The following STARD10 variants were observed in gnomAD, a reference collection of about 807,000 sequenced individuals.
The protein encoded by STARD10 is START domain-containing protein 10.
In STARD10, 24 loss-of-function variants were observed where a neutral mutation model predicts 36.0. That is an observed-to-expected ratio of 0.67 (90% CI 0.48 to 0.94). The LOEUF is 0.94. Ranked by LOEUF, STARD10 falls within the 40% of genes least tolerant of loss-of-function variation. The pLI, the probability that STARD10 is intolerant of heterozygous loss-of-function variation, is 0.00. For synonymous variants in STARD10, 156 were observed against 161.9 expected (o/e 0.96, Z 0.28); for missense variants, 335 against 396.6 (o/e 0.84, Z 1.32).
Position 72,785,579 on chromosome 11 carries a change from AAAAAAAAAG to A in STARD10, c.-113-4294_-113-4286del, listed in dbSNP as rs1309408239. Among the ~76,000 whole-genome samples the A allele has an allele frequency of 2.0e-3, 137 of 69,128 alleles. 1 individual carries two copies. The highest frequency in any genetic ancestry group is 5.8e-3 in the African/African-American group (128 of 22,144). The allele number at this position is 69,128 out of a possible 152,430, so 45.4% of individuals were successfully genotyped here. ...CTGTCTCAAAAAAAAAAAAAAAAAA[AAAAAAAAAG>A]GGAATAAGAACCTGGGCCTCTCAGC... On this transcript the variant is annotated intron_variant, in intron 1 of 6. Transcript: ENST00000334805.
In STARD10 at chr11:72,754,813, G is replaced by GGT. The variant is rs757210347; in HGVS notation, c.*82_*83dup. On this transcript the variant is annotated 3_prime_UTR_variant, in exon 7 of 7. Coordinates refer to ENST00000334805, the MANE Select transcript of STARD10 (RefSeq NM_006645.3). ...CCTGGCCCGGTGCCACCAGGTGCCGGGTGGGGGAGGGGAGAAAGTGCAGGA... is the reference window on the plus strand; with the variant it reads ...CCTGGCCCGGTGCCACCAGGTGCCGGGTGTGGGGGAGGGGAGAAAGTGCAGGA... 2.0e-5 allele frequency: 31 copies of GGT among 1,530,418 alleles called. No homozygotes were observed. The highest frequency in any genetic ancestry group is 2.6e-5 in the Non-Finnish European group (30 of 1,143,664). 94.8% of individuals were successfully genotyped at this position (1,530,418 alleles called of 1,614,324 possible).
intron 1 of STARD10, among the ~76,000 whole-genome samples, chr11:72,791,886 T>G (rs1399576495): frequency 6.6e-6 from 1 of 151,802 alleles, no homozygotes; most frequent in East Asian, 1.9e-4. Context: ...TGTTTTGTTT[T>G]GTTTTGAGAC....
rs558569214 is a variant in STARD10, at chr11:72,771,299, G to C, written c.207+9676C>G. On this transcript the variant is annotated intron_variant, in intron 2 of 6. Coordinates refer to ENST00000334805, the MANE Select transcript of STARD10 (RefSeq NM_006645.3). ...GCTAGGGCTTTTGAGGGTGTGTGTG[G>C]AGTTCAGGGGATGTTGGGGCTGGCT... Among the ~76,000 whole-genome samples the C allele has an allele frequency of 2.0e-4, 31 of 152,304 alleles. No individual in the cohort carries two copies. The South Asian group carries it at 5.6e-3, about 28-fold the overall frequency.
Position 72,754,920 on chromosome 11 carries a change from C to CGAGGGCA in STARD10, c.852_853insTGCCCTC (p.Asp285CysfsTer?). The CGAGGGCA allele has an allele frequency of 6.2e-7, 1 of 1,600,472 alleles. No individual in the cohort carries two copies. The highest frequency in any genetic ancestry group is 8.5e-7 in the Non-Finnish European group (1 of 1,178,340). ...GCTCAGGTGAGCGAGGTGTCGTCGT[C>CGAGGGCA]GCTGCCCTCGCCGCCCGCGCCGCCC... On this transcript the variant is annotated frameshift_variant, in exon 7 of 7. Coordinates refer to ENST00000334805, the MANE Select transcript of STARD10 (RefSeq NM_006645.3). LOFTEE classifies it high-confidence loss of function.
intron 4 of STARD10, 39 bp downstream of exon 4, chr11:72,758,491 T>A (rs1369471323): frequency 7.1e-6 from 11 of 1,549,394 alleles, no homozygotes; most frequent in Middle Eastern, 3.3e-4. Context: ...TGCCTGACCC[T>A]CTCCCCTGCT....
Position 72,765,719 on chromosome 11 carries a change from C to A in STARD10, c.208-6338G>T, listed in dbSNP as rs565324723. On this transcript the variant is annotated intron_variant, in intron 2 of 6. Transcript: ENST00000334805. ...GGCACAGTGGCTCTCACCTGTAATC[C>A]CAGCACTTCGGGAGGCCGAGGCGGG... Among the ~76,000 whole-genome samples, 45 of 151,976 alleles carry A rather than the reference C, an allele frequency of 3.0e-4. No homozygotes were observed. In the South Asian group the frequency reaches 8.5e-3, roughly 29 times the overall value.
At chr11:72,772,034 A>G (rs1245054745) in intron 2 of STARD10, among the ~76,000 whole-genome samples, 1 of 152,198 alleles carries the variant, frequency 6.6e-6, no homozygotes, top group East Asian at 1.9e-4. Context: ...TCCAGGCTTC[A>G]TCCCCAACAG....
At chr11:72,770,327 C>T (rs1280004740) in intron 2 of STARD10, among the ~76,000 whole-genome samples, 2 of 152,206 alleles carry the variant, frequency 1.3e-5, no homozygotes, top group South Asian at 2.1e-4. Flanking sequence ...CAAGGATTCT[C>T]GTACCTCAGC....
At chr11:72,759,740 CAGCCTGG>C (rs1224378927) in intron 2 of STARD10, among the ~76,000 whole-genome samples, 1 of 152,178 alleles carries the variant, frequency 6.6e-6, no homozygotes, top group East Asian at 1.9e-4. Flanking sequence ...ATGGTTGCTT[CAGCCTGG>C]AGCCTGGAAT....
chr11:72,756,897 G>A (rs1437205839), intron 5 of STARD10, among the ~76,000 whole-genome samples: 2 of 152,150 alleles, frequency 1.3e-5, no homozygotes, highest in Non-Finnish European at 2.9e-5. Context: ...TGTAATCCCA[G>A]CACTTTGGGA....
At position 72,781,979 on chromosome 11, in the gene STARD10, G is replaced by A; in HGVS notation, c.-113-685C>T. Reference sequence around the variant, plus strand: ...CGCCGGCCCTGGGAGGGGACCCTGCGCGCGAGGGGCAAGTCCCCAGCGGGG... The same window carrying A: ...CGCCGGCCCTGGGAGGGGACCCTGCACGCGAGGGGCAAGTCCCCAGCGGGG... On this transcript the variant is annotated intron_variant, in intron 1 of 6. Coordinates refer to ENST00000334805, the MANE Select transcript of STARD10 (RefSeq NM_006645.3). This position sits in a 1 kb window ranked among gnomAD's most constrained non-coding sequence, Gnocchi z 4.7. 1 of 152,098 alleles carries A rather than the reference G, an allele frequency of 6.6e-6. No homozygotes were observed. Among genetic ancestry groups the A allele is most frequent in the Non-Finnish European group, 1.5e-5 (1 of 68,026 alleles). The allele number at this position is 152,098 out of a possible 1,614,324, so 9.4% of individuals were successfully genotyped here.
chr11:72,789,566 T>C (rs1269091309), intron 1 of STARD10, among the ~76,000 whole-genome samples: 3 of 152,186 alleles, frequency 2.0e-5, no homozygotes, highest in Non-Finnish European at 4.4e-5. Context: ...AGCTGCATGC[T>C]GGGACAGCAG....
intron 2 of STARD10, among the ~76,000 whole-genome samples, chr11:72,762,024 C>T (rs1359102297): frequency 7.1e-6 from 1 of 140,882 alleles, no homozygotes; most frequent in African/African-American, 2.6e-5. Flanking sequence ...CTCCCGGGTT[C>T]AAGTGATTCT....
At chr11:72,756,925 C>T (rs1028267992) in intron 5 of STARD10, among the ~76,000 whole-genome samples, 1 of 152,062 alleles carries the variant, frequency 6.6e-6, no homozygotes, top group Admixed American at 6.5e-5. Flanking sequence ...GTGGGTGGAT[C>T]ACAAGGTCAG....
At chr11:72,773,968 G>A (rs1187119168) in intron 2 of STARD10, among the ~76,000 whole-genome samples, 1 of 152,224 alleles carries the variant, frequency 6.6e-6, no homozygotes, top group Non-Finnish European at 1.5e-5. Context: ...ATGCATGCAT[G>A]TATGCAAGTG....
intron 2 of STARD10, 144 bp downstream of exon 2, chr11:72,780,831 G>C: frequency 3.5e-6 from 3 of 858,250 alleles, no homozygotes; most frequent in Non-Finnish European, 5.6e-6. Context: ...CCAGCAGACT[G>C]TGTCTCCTCC....
At chr11:72,761,080 G>A (rs777309326) in intron 2 of STARD10, among the ~76,000 whole-genome samples, 10 of 152,058 alleles carry the variant, frequency 6.6e-5, no homozygotes, top group South Asian at 2.1e-4. Context: ...AGGACACACC[G>A]ACACCTGCTA....
chr11:72,756,960 A>C (rs1020600946), intron 5 of STARD10, among the ~76,000 whole-genome samples: 1 of 152,086 alleles, frequency 6.6e-6, no homozygotes, highest in African/African-American at 2.4e-5. Context: ...GCTGGCCAAC[A>C]TGGTGAAACC....
intron 2 of STARD10, among the ~76,000 whole-genome samples, chr11:72,773,742 G>A (rs1858894619): frequency 6.6e-6 from 1 of 152,152 alleles, no homozygotes; most frequent in Non-Finnish European, 1.5e-5. Context: ...GGCCCCAACA[G>A]AATCCTCAAT....
Sources: allele counts gnomAD v4.1 joint callset (sites outside exome capture counted in the v4.1 genomes callset), GRCh38; gene constraint gnomAD v4.1.1; non-coding constraint Gnocchi (gnomAD v3.1); transcripts MANE v1.5; gene names NCBI Gene and HGNC (gene_info 2026-07-23, HGNC 2026-07-21).